Variants in STRA8 observed in about 807,000 individuals in gnomAD.
The protein encoded by STRA8 is stimulated by retinoic acid gene 8 protein homolog.
In STRA8, 18 loss-of-function variants were observed where a neutral mutation model predicts 37.1. The observed-to-expected ratio is 0.48, with a 90% CI of 0.34 to 0.72. The LOEUF is 0.72. Ranked by LOEUF, STRA8 falls within the 30% of genes least tolerant of loss-of-function variation. STRA8 has a pLI of 0.01. For synonymous variants in STRA8, 168 were observed against 162.9 expected (o/e 1.03, Z -0.24); for missense variants, 357 against 410.4 (o/e 0.87, Z 1.13).
chr7:135,251,813 C>G lies in STRA8; in HGVS notation c.897C>G (p.Ala299=), dbSNP rs749470146. Residue 299 remains alanine (A), a synonymous_variant, in exon 7 of 9, where the codon GCC becomes GCG. Coordinates refer to ENST00000662584, the MANE Select transcript of STRA8 (RefSeq NM_001394401.1). ...TCTTTCAGATCCTTTTTGAGGATGC[C>G]TTTGATGTGGCAAGCTTCCTGGACA... ...STPEEILFED[A]FDVASFLDKS... is the part of the protein sequence containing the mutation. 6 of 1,613,980 alleles carry G rather than the reference C, an allele frequency of 3.7e-6. No homozygotes were observed. The highest frequency in any genetic ancestry group is 5.1e-6 in the Non-Finnish European group (6 of 1,180,018).
At chr7:135,251,624 C>T (rs1477816936) in intron 6 of STRA8, among the ~76,000 whole-genome samples, 172 bp from the exon 7 acceptor site, 1 of 151,960 alleles carries the variant, frequency 6.6e-6, no homozygotes, top group Non-Finnish European at 1.5e-5. Context: ...CATTTACCCC[C>T]TAGGAAGAAC....
chr7:135,256,262 C>T (rs1832701430), intron 8 of STRA8, among the ~76,000 whole-genome samples: 1 of 152,190 alleles, frequency 6.6e-6, no homozygotes, highest in Non-Finnish European at 1.5e-5. Flanking sequence ...CCAACTAAGT[C>T]TTCATTTCCT....
intron 6 of STRA8, among the ~76,000 whole-genome samples, chr7:135,247,396 T>A (rs1001905818): frequency 6.6e-5 from 10 of 152,208 alleles, no homozygotes; most frequent in African/African-American, 2.4e-4. Flanking sequence ...CTGCTCAGTT[T>A]CTTATCTTTC....
At chr7:135,250,736 T>C (rs897257008) in intron 6 of STRA8, among the ~76,000 whole-genome samples, 1 of 152,230 alleles carries the variant, frequency 6.6e-6, no homozygotes, top group African/African-American at 2.4e-5. Flanking sequence ...GCATGCCCAG[T>C]TCAATTTTTA....
chr7:135,251,925 T>C (rs1832640307), intron 7 of STRA8, 56 bp downstream of exon 7: 112 of 1,542,984 alleles, frequency 7.3e-5, no homozygotes, highest in Non-Finnish European at 9.8e-5. Flanking sequence ...TGTGAGATTG[T>C]GTGTGCGCAG....
chr7:135,239,890 T>C lies in STRA8; in HGVS notation c.-6-629T>C, dbSNP rs1339941033. Among the ~76,000 whole-genome samples, 5 of 152,198 alleles carry C rather than the reference T, an allele frequency of 3.3e-5. No homozygotes were observed. In the East Asian group the frequency reaches 7.7e-4, roughly 23 times the overall value. ...GTGAATTTTCTTATTTTCTTTTTTA[T>C]GTTTTTCCTTGAGGTATATCACAGA... is the stretch of plus-strand genomic sequence containing the variant. On this transcript the variant is annotated intron_variant, in intron 1 of 8. Transcript: ENST00000662584.
In STRA8 at chr7:135,258,570, C is replaced by A; in HGVS notation, c.*78C>A. On this transcript the variant is annotated 3_prime_UTR_variant, in exon 9 of 9. Coordinates refer to ENST00000662584, the MANE Select transcript of STRA8 (RefSeq NM_001394401.1). ...GGTTGAATGCTGGCAGCTAAGGTTG[C>A]ACCTGCCTTGGCCTCCAGGACTCTT... is the stretch of plus-strand genomic sequence containing the variant. 7.7e-7 allele frequency: 1 copy of A among 1,293,296 alleles called. No homozygotes were observed. Among genetic ancestry groups the A allele is most frequent in the Non-Finnish European group, 1.1e-6 (1 of 919,302 alleles). The allele number at this position is 1,293,296 out of a possible 1,614,324, so 80.1% of individuals were successfully genotyped here. A position where few individuals can be genotyped will look rare whatever the true frequency, so the allele number is the denominator to read the frequency against.
At chr7:135,232,763 TACCC>T (rs1832312223), upstream of STRA8, among the ~76,000 whole-genome samples, 1 of 152,192 alleles carries the variant, frequency 6.6e-6, no homozygotes, top group Non-Finnish European at 1.5e-5. Flanking sequence ...GCCTCCCAGG[TACCC>T]TACTGCGTGC....
At position 135,246,205 on chromosome 7, in the gene STRA8, G is replaced by T. The variant is rs1001970111; in HGVS notation, c.594-212G>T. On this transcript the variant is annotated intron_variant, in intron 5 of 8. Coordinates refer to ENST00000662584, the MANE Select transcript of STRA8 (RefSeq NM_001394401.1). The surrounding 1 kb of genome is among the most constrained non-coding windows in gnomAD (Gnocchi z 5.4). Reference sequence around the variant, plus strand: ...CAGGGACTGGGAGAACTTGGGGAGGGGCCCCAAAGCCCAAGTCTATGTCCT... The same window carrying T: ...CAGGGACTGGGAGAACTTGGGGAGGTGCCCCAAAGCCCAAGTCTATGTCCT... 16 of 647,412 alleles carry T rather than the reference G, an allele frequency of 2.5e-5. No homozygotes were observed. Among genetic ancestry groups the T allele is most frequent in the Admixed American group, 9.0e-5 (3 of 33,470 alleles). The allele number at this position is 647,412 out of a possible 1,614,324, so 40.1% of individuals were successfully genotyped here.
At chr7:135,249,953 G>A (rs1832614904) in intron 6 of STRA8, among the ~76,000 whole-genome samples, 1 of 152,250 alleles carries the variant, frequency 6.6e-6, no homozygotes, top group Admixed American at 6.5e-5. Context: ...CTGCACTGCT[G>A]TGCCCAGGTT....
At position 135,240,622 on chromosome 7, in the gene STRA8, G is replaced by C. The variant is rs373793185; in HGVS notation, c.98G>C (p.Arg33Pro). 6.2e-6 allele frequency: 10 copies of C among 1,613,936 alleles called. No individual in the cohort carries two copies. In the East Asian group the frequency reaches 2.0e-4, roughly 32 times the overall value. Residue 33 changes from arginine to proline, a missense_variant, in exon 2 of 9, where the codon CGG becomes CCG. Physicochemically the swap from Arg to Pro is moderately radical, Grantham distance 103 (BLOSUM62 -2). Transcript: ENST00000662584. The part of the protein sequence containing the change: ...QELEHRVARR[R>P]LSQARHRATL... Reference sequence around the variant, plus strand: ...CTTGAGCATCGGGTGGCCCGGAGACGGCTGTCCCAGGCCCGCCACCGAGCC... The same window carrying C: ...CTTGAGCATCGGGTGGCCCGGAGACCGCTGTCCCAGGCCCGCCACCGAGCC...
chr7:135,255,736 G>A (rs1832695844), intron 8 of STRA8, among the ~76,000 whole-genome samples: 1 of 152,228 alleles, frequency 6.6e-6, no homozygotes, highest in Admixed American at 6.5e-5. Context: ...CAGGTCTGTG[G>A]GAAAATTGTC....
rs1832490138 is a variant in STRA8, at chr7:135,242,958, T to C, written c.268+102T>C. ...TTGGGTTACAATGAATCAACAAATA[T>C]TTATTGAGGGCCTACTGTGTGCCAG... On this transcript the variant is annotated intron_variant, in intron 3 of 8. Coordinates refer to ENST00000662584, the MANE Select transcript of STRA8 (RefSeq NM_001394401.1). The C allele has an allele frequency of 2.4e-6, 3 of 1,251,002 alleles. No homozygotes were observed. In the South Asian group the frequency reaches 3.8e-5, roughly 16 times the overall value. The allele number at this position is 1,251,002 out of a possible 1,614,324, so 77.5% of individuals were successfully genotyped here.
At position 135,246,074 on chromosome 7, in the gene STRA8, C is replaced by G; in HGVS notation, c.594-343C>G. On this transcript the variant is annotated intron_variant, in intron 5 of 8. Transcript: ENST00000662584. The surrounding 1 kb of genome is among the most constrained non-coding windows in gnomAD (Gnocchi z 5.4). Reference sequence around the variant, plus strand: ...GGTTAAAGTTGGAGTCCTATCATGCCAGCACATTCATGGGCTCAGAATTTT... The same window carrying G: ...GGTTAAAGTTGGAGTCCTATCATGCGAGCACATTCATGGGCTCAGAATTTT... The G allele has an allele frequency of 6.0e-6, 2 of 334,562 alleles. No homozygotes were observed. Among genetic ancestry groups the G allele is most frequent in the South Asian group, 6.1e-5 (2 of 32,918 alleles). The allele number at this position is 334,562 out of a possible 1,614,324, so 20.7% of individuals were successfully genotyped here.
intron 6 of STRA8, among the ~76,000 whole-genome samples, chr7:135,247,544 T>G (rs975457201): frequency 2.0e-5 from 3 of 152,284 alleles, no homozygotes; most frequent in South Asian, 4.1e-4. Flanking sequence ...AAGGAAGAAC[T>G]TTTCCGGAAC....
chr7:135,246,133 G>A lies in STRA8; in HGVS notation c.594-284G>A, dbSNP rs1351163501. The A allele has an allele frequency of 6.1e-6, 3 of 493,306 alleles. No individual in the cohort carries two copies. Among genetic ancestry groups the A allele is most frequent in the Non-Finnish European group, 1.1e-5 (3 of 274,764 alleles). The allele number at this position is 493,306 out of a possible 1,614,324, so 30.6% of individuals were successfully genotyped here. On this transcript the variant is annotated intron_variant, in intron 5 of 8. Transcript: ENST00000662584. This position sits in a 1 kb window ranked among gnomAD's most constrained non-coding sequence, Gnocchi z 5.4. Reference sequence around the variant, plus strand: ...TTCCCTTAGGATGAGAGCTGAGGCAGCTACGCCTCTTATCTGCTTCTGTCT... The same window carrying A: ...TTCCCTTAGGATGAGAGCTGAGGCAACTACGCCTCTTATCTGCTTCTGTCT...
Position 135,238,709 on chromosome 7 carries a change from C to CA in STRA8, c.-6-1802dup, listed in dbSNP as rs796786656. On this transcript the variant is annotated intron_variant, in intron 1 of 8. Transcript: ENST00000662584. ...AATTTAAACAAGTAAAAACAAAAAA[C>CA]AAAAAAAACCTATATTCTTCTGTTC... is the stretch of plus-strand genomic sequence containing the variant. Among the ~76,000 whole-genome samples, 260 of 151,956 alleles carry CA rather than the reference C, an allele frequency of 1.7e-3. 1 individual carries two copies. Among genetic ancestry groups the CA allele is most frequent in the African/African-American group, 4.2e-3 (175 of 41,460 alleles).
At position 135,246,717 on chromosome 7, in the gene STRA8, C is replaced by G. The variant is rs559279929; in HGVS notation, c.879+15C>G. 1 of 1,506,600 alleles carries G rather than the reference C, an allele frequency of 6.6e-7. No individual in the cohort carries two copies. Among genetic ancestry groups the G allele is most frequent in the South Asian group, 1.2e-5 (1 of 80,694 alleles). The allele number at this position is 1,506,600 out of a possible 1,614,324, so 93.3% of individuals were successfully genotyped here. ...CGCCCGAGGAGGTGAGCAGGCCCACCGGGGTGGCGTGGATGGGGCACGGGA... is the reference window on the plus strand; with the variant it reads ...CGCCCGAGGAGGTGAGCAGGCCCACGGGGGTGGCGTGGATGGGGCACGGGA... On this transcript the variant is annotated intron_variant, in intron 6 of 8. Coordinates refer to ENST00000662584, the MANE Select transcript of STRA8 (RefSeq NM_001394401.1). This position sits in a 1 kb window ranked among gnomAD's most constrained non-coding sequence, Gnocchi z 5.4.
At chr7:135,245,234 A>G in intron 4 of STRA8, 54 bp from the exon 5 acceptor site, 1 of 779,876 alleles carries the variant, frequency 1.3e-6, no homozygotes, top group Non-Finnish European at 2.4e-6. Flanking sequence ...TTTCTTGTCC[A>G]TGTTCATGAG....
Sources: gnomAD v4.1 joint callset for allele counts (sites outside exome capture counted in the v4.1 genomes callset) on GRCh38, gnomAD v4.1.1 for gene constraint, Gnocchi (gnomAD v3.1) non-coding constraint, MANE v1.5 for transcripts, NCBI Gene and HGNC (gene_info 2026-07-23, HGNC 2026-07-21) for gene names.